The following RALYL variants were observed in gnomAD, a reference collection of about 807,000 sequenced individuals.
RALYL encodes RNA-binding Raly-like protein.
In RALYL, 29 loss-of-function variants were observed where a neutral mutation model predicts 35.1. The observed-to-expected ratio is 0.83, with a 90% CI of 0.61 to 1.13. The LOEUF (loss-of-function observed/expected upper bound fraction) is 1.13, where lower values mean the gene tolerates loss of function less well. Among genes scored for constraint, RALYL ranks in the 50% most tolerant of loss-of-function variants. RALYL has a pLI of 0.00. For synonymous variants in RALYL, 120 were observed against 127.6 expected, an observed-to-expected ratio of 0.94 and a Z score of 0.40; for missense variants, 359 against 360.4, an observed-to-expected ratio of 1.00 and a Z score of 0.03.
chr8:84,350,979 G>T (rs997393746), intron 1 of RALYL, among the ~76,000 whole-genome samples: 1 of 149,826 alleles, frequency 6.7e-6, no homozygotes, highest in African/African-American at 2.5e-5. Flanking sequence ...GGATAAGGAG[G>T]GGGTGAGCGG....
chr8:84,257,161 C>T (rs371367272), intron 1 of RALYL, among the ~76,000 whole-genome samples: 15 of 151,426 alleles, frequency 9.9e-5, no homozygotes, highest in African/African-American at 2.7e-4. Flanking sequence ...TTGGAGAATT[C>T]GAGATTTTTT....
chr8:84,618,476 TTC>T (rs1820408350), intron 2 of RALYL, among the ~76,000 whole-genome samples: 2 of 148,374 alleles, frequency 1.3e-5, no homozygotes, highest in African/African-American at 5.1e-5. Context: ...TATTTGATTC[TTC>T]TCTCTTTTTT....
chr8:84,441,976 C>G (rs1283158830), intron 1 of RALYL, among the ~76,000 whole-genome samples: 1 of 151,902 alleles, frequency 6.6e-6, no homozygotes, highest in Non-Finnish European at 1.5e-5. Flanking sequence ...TTGTTCACAT[C>G]ATAAAAATGA....
rs775825447 is a variant in RALYL, at chr8:84,876,455, G to A, written c.685+3058G>A. Among the ~76,000 whole-genome samples the A allele has an allele frequency of 9.7e-4, 147 of 152,182 alleles. 2 individuals are homozygous for A. Among genetic ancestry groups the A allele is most frequent in the Admixed American group, 1.2e-3 (19 of 15,274 alleles). On this transcript the variant is annotated intron_variant, in intron 7 of 8. Transcript: ENST00000521268. ...GGCCAGCAATTTTGCCTCATTGTTA[G>A]ATGATTCTTTTAAAAGAGCCGCATA...
intron 1 of RALYL, among the ~76,000 whole-genome samples, chr8:84,199,892 C>G (rs1342956308): frequency 6.6e-6 from 1 of 152,094 alleles, no homozygotes; most frequent in Non-Finnish European, 1.5e-5. Flanking sequence ...GTCTGCTTAC[C>G]TAGTAAATGT....
chr8:84,600,198 A>C (rs995069667), intron 2 of RALYL, among the ~76,000 whole-genome samples: 3 of 152,098 alleles, frequency 2.0e-5, no homozygotes, highest in Admixed American at 6.6e-5. Context: ...CTTCTAATAC[A>C]GAATAGTGTA....
intron 2 of RALYL, among the ~76,000 whole-genome samples, chr8:84,650,063 C>A (rs1588750255): frequency 6.6e-6 from 1 of 152,180 alleles, no homozygotes; most frequent in Non-Finnish European, 1.5e-5. Flanking sequence ...GGAGTTCACT[C>A]ATGATTTGGC....
chr8:84,866,063 T>A (rs992593509), intron 6 of RALYL, among the ~76,000 whole-genome samples: 5 of 152,206 alleles, frequency 3.3e-5, no homozygotes, highest in African/African-American at 9.6e-5. Context: ...CCATCCATTA[T>A]CCTAGGCAAA....
intron 2 of RALYL, among the ~76,000 whole-genome samples, chr8:84,626,731 A>T (rs1454113582): frequency 6.6e-6 from 1 of 152,172 alleles, no homozygotes; most frequent in Non-Finnish European, 1.5e-5. Context: ...TCAAATTTGG[A>T]ATTCATTTAA....
chr8:84,185,997 G>A (rs142190527), intron 1 of RALYL, among the ~76,000 whole-genome samples: 454 of 152,278 alleles, frequency 3.0e-3, no homozygotes, highest in Non-Finnish European at 4.9e-3. Context: ...CTGGAAAGTT[G>A]TATATATTTT....
chr8:84,400,886 G>A (rs2042823004), intron 1 of RALYL, among the ~76,000 whole-genome samples: 2 of 152,256 alleles, frequency 1.3e-5, no homozygotes, highest in South Asian at 2.1e-4. Context: ...TATTTAATAA[G>A]GAAATACATT....
chr8:84,726,682 T>A (rs527325993), intron 2 of RALYL, among the ~76,000 whole-genome samples: 28 of 152,102 alleles, frequency 1.8e-4, no homozygotes, highest in African/African-American at 5.5e-4. Context: ...CAATTTCCAA[T>A]AATTTGCTAT....
intron 1 of RALYL, among the ~76,000 whole-genome samples, chr8:84,390,510 C>G (rs1484683687): frequency 3.3e-5 from 5 of 152,104 alleles, no homozygotes; most frequent in Non-Finnish European, 7.4e-5. Context: ...ATTATTGCCA[C>G]AATTTCAGAG....
intron 2 of RALYL, among the ~76,000 whole-genome samples, chr8:84,533,072 A>G (rs1317372262): frequency 6.6e-6 from 1 of 152,144 alleles, no homozygotes; most frequent in Non-Finnish European, 1.5e-5. Context: ...TTCATTATTC[A>G]GAATTTTTTT....
At chr8:84,519,866 G>A (rs548696683) in intron 1 of RALYL, among the ~76,000 whole-genome samples, 11 of 152,300 alleles carry the variant, frequency 7.2e-5, no homozygotes, top group Non-Finnish European at 7.4e-5. Context: ...ATTTTTACAG[G>A]ATGTTGCTGA....
intron 2 of RALYL, among the ~76,000 whole-genome samples, chr8:84,539,611 C>T (rs78006987): frequency 0.014 from 2,083 of 151,874 alleles, 41 homozygotes; most frequent in African/African-American, 0.047. Flanking sequence ...TAAAGACATG[C>T]TTCTGTGTTT....
At chr8:84,437,950 T>C (rs1328304398) in intron 1 of RALYL, among the ~76,000 whole-genome samples, 1 of 152,162 alleles carries the variant, frequency 6.6e-6, no homozygotes, top group African/African-American at 2.4e-5. Flanking sequence ...CTTTTCATTA[T>C]CAATTACCTT....
At chr8:84,479,682 T>G (rs1267899279) in intron 1 of RALYL, among the ~76,000 whole-genome samples, 2 of 152,202 alleles carry the variant, frequency 1.3e-5, no homozygotes, top group African/African-American at 4.8e-5. Flanking sequence ...ATACTCTTTT[T>G]AAGATTACTG....
At chr8:84,639,506 G>C (rs1825871590) in intron 2 of RALYL, among the ~76,000 whole-genome samples, 1 of 151,962 alleles carries the variant, frequency 6.6e-6, no homozygotes, top group African/African-American at 2.4e-5. Context: ...TTTTCTTGCT[G>C]TCATGGCCTG....
Sources: allele counts gnomAD v4.1 joint callset (sites outside exome capture counted in the v4.1 genomes callset), GRCh38; gene constraint gnomAD v4.1.1; transcripts MANE v1.5; gene names NCBI Gene and HGNC (gene_info 2026-07-23, HGNC 2026-07-21).